The following CDK11B variants were observed in gnomAD, a reference collection of about 807,000 sequenced individuals.
The protein encoded by CDK11B is cyclin dependent kinase 11B.
CDK11B carries 37 observed loss-of-function variants against 84.0 expected under a neutral mutation model. The observed-to-expected ratio is 0.44, with a 90% confidence interval of 0.34 to 0.58. The LOEUF (loss-of-function observed/expected upper bound fraction) is 0.58. CDK11B is among the 20% of genes least tolerant of loss of function. CDK11B has a pLI of 0.02. For synonymous variants in CDK11B, 269 were observed against 309.8 expected, an observed-to-expected ratio of 0.87 and a Z score of 1.38; for missense variants, 427 against 834.0, an observed-to-expected ratio of 0.51 and a Z score of 6.01.
chr1:1,651,597 G>C (rs1490932038), intron 4 of CDK11B, among the ~76,000 whole-genome samples: 6 of 147,884 alleles, frequency 4.1e-5, no homozygotes, highest in African/African-American at 7.6e-5. Flanking sequence ...TCTGGTTTTC[G>C]GTCTGGGACA....
Position 1,636,444 on chromosome 1 carries a change from T to C in CDK11B, c.1955A>G (p.Tyr652Cys). Residue 652 changes from tyrosine (Y) to cysteine (C), a missense_variant, in exon 18 of 20, where the codon TAC becomes TGC. Tyr to Cys is a radical substitution (Grantham distance 194). This residue lies in a region of CDK11B where 170 missense variants were observed against 196.0 expected (regional missense o/e 0.87). Transcript: ENST00000341832. ...CTTCTTGACTGCTGGGAGCTCGCTG[T>C]AGCCGGGCCAGATTTTCTCACTAGG... ...GTPSEKIWPG[Y>C]SELPAVKKMT... 6.2e-7 allele frequency: 1 copy of C among 1,613,140 alleles called. No homozygotes were observed. The highest frequency in any genetic ancestry group is 8.5e-7 in the Non-Finnish European group (1 of 1,179,474).
chr1:1,638,115 AC>A (rs1283271210), intron 12 of CDK11B, among the ~76,000 whole-genome samples: 1 of 152,048 alleles, frequency 6.6e-6, no homozygotes, highest in African/African-American at 2.4e-5. Context: ...ACCTACAGCC[AC>A]CTGGGATCCC....
At chr1:1,656,889 TACTC>T (rs1422131135) in intron 2 of CDK11B, among the ~76,000 whole-genome samples, 2 of 152,248 alleles carry the variant, frequency 1.3e-5, no homozygotes, top group Non-Finnish European at 2.9e-5. Flanking sequence ...GGTATGCCTG[TACTC>T]ACTAACATCC....
In CDK11B at chr1:1,650,858, C is replaced by T; in HGVS notation, c.356-1221G>A. Among the ~76,000 whole-genome samples the T allele has an allele frequency of 1.3e-5, 2 of 151,844 alleles. 1 individual carries two copies. The highest frequency in any genetic ancestry group is 1.3e-4 in the Admixed American group (2 of 15,216). ...ATAAAAAACTATCTGCAGTAAGCGT[C>T]TAATTATGAAGAAAGAAGAAAAAAG... On this transcript the variant is annotated intron_variant, in intron 4 of 19. Coordinates refer to ENST00000341832, the MANE Select transcript of CDK11B (RefSeq NM_033486.3).
At chr1:1,645,375 T>TA (rs1640918396) in intron 5 of CDK11B, 113 bp from the exon 6 acceptor site, 1 of 1,321,130 alleles carries the variant, frequency 7.6e-7, no homozygotes, top group African/African-American at 1.5e-5. Flanking sequence ...TTTTTTTTCA[T>TA]TTTTTTATTT....
chr1:1,651,972 G>A (rs1557712491), intron 4 of CDK11B, among the ~76,000 whole-genome samples: 1 of 151,352 alleles, frequency 6.6e-6, no homozygotes, highest in African/African-American at 2.4e-5. Context: ...GCTCTGTATA[G>A]CCCTTCTGAA....
intron 14 of CDK11B, 22 bp from the exon 15 acceptor site, chr1:1,637,224 A>G: frequency 1.9e-6 from 3 of 1,612,048 alleles, no homozygotes; most frequent in East Asian, 2.2e-5. Flanking sequence ...GGAAGCTCCC[A>G]TGTGGACCTG....
intron 11 of CDK11B, 36 bp downstream of exon 11, chr1:1,640,241 T>A (rs367978640): frequency 6.2e-7 from 1 of 1,609,568 alleles, no homozygotes; most frequent in Admixed American, 1.7e-5. Context: ...CGACTGCCAA[T>A]GCGGACAGTG....
rs1230523991 is a variant in CDK11B, at chr1:1,637,409, T to C, written c.1569A>G (p.Pro523=). 6.2e-7 allele frequency: 1 copy of C among 1,613,466 alleles called. No homozygotes were observed. Among genetic ancestry groups the C allele is most frequent in the Non-Finnish European group, 8.5e-7 (1 of 1,179,720 alleles). ...CAGGCCCCTGGGGCGCGGCTGTACCTGGCAGGAAGGGCTGTTTCATGGTCT... is the reference window on the plus strand; with the variant it reads ...CAGGCCCCTGGGGCGCGGCTGTACCCGGCAGGAAGGGCTGTTTCATGGTCT... The part of the protein sequence containing the change: ...LMETMKQPFL[P]GEVKTLMIQL... Residue 523 remains proline (P), a splice_region_variant and synonymous_variant, in exon 14 of 20, where the codon CCA becomes CCG. Coordinates refer to ENST00000341832, the MANE Select transcript of CDK11B (RefSeq NM_033486.3).
At chr1:1,653,464 G>T (rs1036435432) in intron 3 of CDK11B, among the ~76,000 whole-genome samples, 10 of 152,002 alleles carry the variant, frequency 6.6e-5, no homozygotes, top group Non-Finnish European at 1.2e-4. Flanking sequence ...GTGACTACAG[G>T]TGTACACTAC....
At chr1:1,648,154 G>T (rs1261435906) in intron 5 of CDK11B, among the ~76,000 whole-genome samples, 1 of 152,264 alleles carries the variant, frequency 6.6e-6, no homozygotes, top group Non-Finnish European at 1.5e-5. Context: ...TGGATTGGCT[G>T]ATCTGAATCG....
intron 3 of CDK11B, among the ~76,000 whole-genome samples, chr1:1,653,858 A>ACACG (rs1642362295): frequency 6.7e-6 from 1 of 150,154 alleles, no homozygotes; most frequent in Admixed American, 6.6e-5. Flanking sequence ...ACACACACAC[A>ACACG]CACACCCGAG....
chr1:1,649,126 G>C (rs1641560634), intron 5 of CDK11B, among the ~76,000 whole-genome samples: 1 of 151,842 alleles, frequency 6.6e-6, no homozygotes, highest in Non-Finnish European at 1.5e-5. Context: ...TTGAGACGGA[G>C]TCTCGCTCTG....
chr1:1,653,603 G>A (rs1277298547), intron 3 of CDK11B, among the ~76,000 whole-genome samples: 3 of 151,854 alleles, frequency 2.0e-5, no homozygotes, highest in Non-Finnish European at 4.4e-5. Flanking sequence ...TTACAGGCGC[G>A]AGCTACTGCA....
Position 1,635,875 on chromosome 1 carries a change from C to T in CDK11B, c.2257-19G>A, listed in dbSNP as rs1214234787. 1.5e-5 allele frequency: 5 copies of T among 332,828 alleles called. No homozygotes were observed. In the East Asian group the frequency reaches 1.8e-4, roughly 12 times the overall value. The allele number at this position is 332,828 out of a possible 1,614,324, so 20.6% of individuals were successfully genotyped here. A position where few individuals can be genotyped will look rare whatever the true frequency, so the allele number is the denominator to read the frequency against. ...CGTCACCCTGGGACGAGTCGGCTAC[C>T]GTGAGAACCCTGCCCAAGCCAGCCC... On this transcript the variant is annotated intron_variant, in intron 19 of 19. Transcript: ENST00000341832.
At chr1:1,658,205 C>G (rs1643048256) in intron 1 of CDK11B, among the ~76,000 whole-genome samples, 1 of 150,010 alleles carries the variant, frequency 6.7e-6, no homozygotes, top group Non-Finnish European at 1.5e-5. Flanking sequence ...GTAAGCCAGG[C>G]AAGGTGGCGA....
At chr1:1,655,999 G>A (rs1038507422) in intron 2 of CDK11B, among the ~76,000 whole-genome samples, 1 of 152,146 alleles carries the variant, frequency 6.6e-6, no homozygotes, top group Non-Finnish European at 1.5e-5. Context: ...ATATGACAAG[G>A]GACATTAGAC....
At chr1:1,643,525 C>T (rs1557682184) in intron 6 of CDK11B, among the ~76,000 whole-genome samples, 4 of 148,650 alleles carry the variant, frequency 2.7e-5, no homozygotes, top group Non-Finnish European at 5.9e-5. Context: ...AATCACCTGA[C>T]GGTAGATGTC....
chr1:1,652,127 T>C lies in CDK11B; in HGVS notation c.355+312A>G, dbSNP rs1171006811. 1.8e-3 allele frequency among the ~76,000 whole-genome samples: 273 copies of C among 152,066 alleles called. 3 individuals carry two copies. The East Asian group carries it at 0.036, about 20-fold the overall frequency. ...TGCATGCTTTCAGCTATTCTCTCTA[T>C]AGCCATTCTGAATGGTCTGTGACAC... is the stretch of plus-strand genomic sequence containing the variant. On this transcript the variant is annotated intron_variant, in intron 4 of 19. Transcript: ENST00000341832.
Sources: gnomAD v4.1 joint callset for allele counts (sites outside exome capture counted in the v4.1 genomes callset) on GRCh38, gnomAD v4.1.1 for gene constraint, gnomAD v4.1.1 regional missense constraint, MANE v1.5 for transcripts, NCBI Gene and HGNC (gene_info 2026-07-23, HGNC 2026-07-21) for gene names.